Variants in BIRC6 observed in about 807,000 individuals in gnomAD.
BIRC6 encodes the protein baculoviral IAP repeat containing 6, also known as dual E2 ubiquitin-conjugating enzyme/E3 ubiquitin-protein ligase BIRC6.
Under a neutral mutation model 503.3 loss-of-function variants are expected in BIRC6, and 98 were observed. The observed-to-expected ratio is 0.19, with a 90% CI of 0.17 to 0.23. The LOEUF is 0.23. Ranked by LOEUF, BIRC6 falls within the 10% of genes least tolerant of loss-of-function variation. The pLI is 1.00. For missense variants in BIRC6, 5,360 were observed against 5,806.0 expected, an observed-to-expected ratio of 0.92 and a Z score of 2.50; for synonymous variants, 2,240 against 2,078.7, an observed-to-expected ratio of 1.08 and a Z score of -2.11.
rs1558789645 is a variant in BIRC6 at position 32,461,048 on chromosome 2, T to TCTCC, written c.4754-2146_4754-2145insCTCC. Among the ~76,000 whole-genome samples, 33 of 61,432 alleles carry TCTCC rather than the reference T, an allele frequency of 5.4e-4. 4 individuals carry two copies. Among genetic ancestry groups the TCTCC allele is most frequent in the Admixed American group, 6.3e-4 (4 of 6,348 alleles). The allele number at this position is 61,432 out of a possible 152,430, so 40.3% of individuals were successfully genotyped here. ...TTCTCTTCTCTTCTCTTCTCTTCTCTTCTCTTCTCTTCTCTTCTGTTCTCC... is the reference window on the plus strand; with the variant it reads ...TTCTCTTCTCTTCTCTTCTCTTCTCTCTCCTCTCTTCTCTTCTCTTCTGTTCTCC... On this transcript the variant is annotated intron_variant, in intron 23 of 73. Coordinates refer to ENST00000421745, the MANE Select transcript of BIRC6 (RefSeq NM_016252.4).
chr2:32,382,630 A>G (rs542746780), intron 3 of BIRC6, among the ~76,000 whole-genome samples: 2 of 152,256 alleles, frequency 1.3e-5, no homozygotes, highest in Non-Finnish European at 2.9e-5. Context: ...CAGTTTAATT[A>G]ACTGCACAGT....
chr2:32,383,417 T>A (rs2037981465), intron 3 of BIRC6, among the ~76,000 whole-genome samples: 1 of 152,230 alleles, frequency 6.6e-6, no homozygotes, highest in Non-Finnish European at 1.5e-5. Flanking sequence ...TTTTTTTGTA[T>A]TACCTGTTCC....
chr2:32,614,517 T>C (rs1236828795), intron 73 of BIRC6, among the ~76,000 whole-genome samples: 2 of 152,178 alleles, frequency 1.3e-5, no homozygotes, highest in Non-Finnish European at 2.9e-5. Context: ...CATTTGCTGT[T>C]GAGTGCTACA....
intron 6 of BIRC6, among the ~76,000 whole-genome samples, chr2:32,399,752 C>A (rs983082653): frequency 6.6e-6 from 1 of 151,444 alleles, no homozygotes; most frequent in African/African-American, 2.4e-5. Context: ...GATATGAGGT[C>A]CTAGTATTTT....
intron 65 of BIRC6, among the ~76,000 whole-genome samples, chr2:32,568,126 C>G (rs1399781610): frequency 6.7e-6 from 1 of 149,680 alleles, no homozygotes; most frequent in Non-Finnish European, 1.5e-5. Flanking sequence ...AACAAACAAA[C>G]AAGAATGGAG....
intron 65 of BIRC6, among the ~76,000 whole-genome samples, chr2:32,570,344 TGGC>T (rs1480422699): frequency 6.6e-6 from 1 of 152,168 alleles, no homozygotes. Flanking sequence ...CTTGTGAGAC[TGGC>T]TAATTTTTTT....
intron 9 of BIRC6, among the ~76,000 whole-genome samples, chr2:32,409,490 G>A (rs900573313): frequency 1.3e-5 from 2 of 152,174 alleles, no homozygotes; most frequent in Non-Finnish European, 2.9e-5. Context: ...AAAAATGTGA[G>A]TGCAGATAAA....
At chr2:32,429,608 G>A (rs867867667) in intron 11 of BIRC6, among the ~76,000 whole-genome samples, 4 of 152,070 alleles carry the variant, frequency 2.6e-5, no homozygotes, top group Middle Eastern at 3.4e-3. Context: ...TACTGTCACT[G>A]AGGATATATT....
At position 32,476,267 on chromosome 2, in the gene BIRC6, G is replaced by C; in HGVS notation, c.6775G>C (p.Glu2259Gln). ...QKALVEQMEK[E>Q]KIQSNKGSSY... is the part of the protein sequence containing the mutation. ...GGCATTGGTAGAACAGATGGAAAAA[G>C]AAAAAATACAAAGTAACAAAGGATC... The change falls in exon 34 of 74, where the codon GAA becomes CAA. Residue 2259 changes from glutamate (E) to glutamine (Q), a missense_variant. Transcript: ENST00000421745. The C allele has an allele frequency of 6.4e-7, 1 of 1,557,074 alleles. No homozygotes were observed. The highest frequency in any genetic ancestry group is 8.7e-7 in the Non-Finnish European group (1 of 1,149,420).
At chr2:32,588,941 G>A (rs1473795370) in intron 66 of BIRC6, among the ~76,000 whole-genome samples, 1 of 152,032 alleles carries the variant, frequency 6.6e-6, no homozygotes, top group African/African-American at 2.4e-5. Flanking sequence ...CATTCCAGCT[G>A]GTATTATCTT....
chr2:32,392,006 A>C lies in BIRC6; in HGVS notation c.840-33A>C, dbSNP rs78216644. The C allele has an allele frequency of 2.8e-3, 3,826 of 1,373,268 alleles. 101 individuals are homozygous for C. In the African/African-American group the frequency reaches 0.049, roughly 18 times the overall value. The allele number at this position is 1,373,268 out of a possible 1,614,324, so 85.1% of individuals were successfully genotyped here. ...GAAGTTTCACTGTGATTTGATGCCTAACTTCAATTACATAAAGTATGTTTA... is the reference window on the plus strand; with the variant it reads ...GAAGTTTCACTGTGATTTGATGCCTCACTTCAATTACATAAAGTATGTTTA... On this transcript the variant is annotated intron_variant, in intron 4 of 73. Coordinates refer to ENST00000421745, the MANE Select transcript of BIRC6 (RefSeq NM_016252.4).
At chr2:32,609,255 G>GT (rs1222380094) in intron 72 of BIRC6, among the ~76,000 whole-genome samples, 2 of 150,418 alleles carry the variant, frequency 1.3e-5, no homozygotes, top group Non-Finnish European at 3.0e-5. Context: ...CACTGAAGTG[G>GT]TTTTTTTCAC....
At position 32,543,359 on chromosome 2, in the gene BIRC6, C is replaced by G. The variant is rs777191070; in HGVS notation, c.12410C>G (p.Ala4137Gly). 25 of 1,613,828 alleles carry G rather than the reference C, an allele frequency of 1.5e-5. No individual in the cohort carries two copies. The highest frequency in any genetic ancestry group is 2.2e-5 in the East Asian group (1 of 44,890). The change falls in exon 62 of 74, where the codon GCG (alanine) becomes GGG (glycine). Residue 4137 changes from alanine (A) to glycine (G), a missense_variant. Ala to Gly is a moderately conservative substitution (Grantham distance 60). Transcript: ENST00000421745. ...ELVYEAPETV[A>G]AEPPPIKSAV... ...GTTTATGAAGCACCAGAAACTGTTG[C>G]GGCTGAACCTCCACCTATCAAGTCA... is the stretch of plus-strand genomic sequence containing the variant.
chr2:32,482,357 A>G (rs2050502381), intron 38 of BIRC6, 72 bp from the exon 39 acceptor site: 2 of 1,462,058 alleles, frequency 1.4e-6, no homozygotes. Context: ...GTTTGGGTTT[A>G]GATAATGTAA....
At chr2:32,589,655 C>G (rs1010821471) in intron 66 of BIRC6, among the ~76,000 whole-genome samples, 30 of 152,178 alleles carry the variant, frequency 2.0e-4, no homozygotes, top group African/African-American at 7.2e-4. Context: ...TAAACAAGTT[C>G]AGTTGTTTGT....
rs1397390801 is a variant in BIRC6 at position 32,599,826 on chromosome 2, C to G, written c.13918C>G (p.Pro4640Ala). 1 of 1,613,868 alleles carries G rather than the reference C, an allele frequency of 6.2e-7. No homozygotes were observed. Among genetic ancestry groups the G allele is most frequent in the Admixed American group, 1.7e-5 (1 of 60,018 alleles). ...VYFPQDYPSS[P>A]PLVNLETTGG... Reference sequence around the variant, plus strand: ...TTTTCCTCAAGATTATCCCAGTTCACCCCCTCTTGTGAATCTAGAGACAAC... The same window carrying G: ...TTTTCCTCAAGATTATCCCAGTTCAGCCCCTCTTGTGAATCTAGAGACAAC... Residue 4640 changes from proline (P) to alanine (A), a missense_variant, in exon 70 of 74, where the codon CCC becomes GCC. Pro to Ala is a conservative substitution (Grantham distance 27). Transcript: ENST00000421745.
chr2:32,586,158 G>T (rs1026123210), intron 66 of BIRC6, among the ~76,000 whole-genome samples: 2 of 151,518 alleles, frequency 1.3e-5, no homozygotes, highest in East Asian at 1.9e-4. Context: ...TAGGATTCAC[G>T]CTTGTATAAT....
In BIRC6 at chr2:32,545,942, A is replaced by T. The variant is rs913022406; in HGVS notation, c.12810+82A>T. ...ACAGAATAAAGTTTTTTTCTGAATT[A>T]ATCTTTCAGAGACTTGGGTGTTCCA... is the stretch of plus-strand genomic sequence containing the variant. On this transcript the variant is annotated intron_variant, in intron 63 of 73. Coordinates refer to ENST00000421745, the MANE Select transcript of BIRC6 (RefSeq NM_016252.4). 3.2e-6 allele frequency: 4 copies of T among 1,258,464 alleles called. No homozygotes were observed. In the African/African-American group the frequency reaches 6.0e-5, roughly 19 times the overall value. 78.0% of individuals were successfully genotyped at this position (1,258,464 alleles called of 1,614,324 possible). A position where few individuals can be genotyped will look rare whatever the true frequency, so the allele number is the denominator to read the frequency against.
intron 57 of BIRC6, among the ~76,000 whole-genome samples, chr2:32,520,163 C>T (rs1035486214): frequency 6.6e-6 from 1 of 152,130 alleles, no homozygotes; most frequent in African/African-American, 2.4e-5. Flanking sequence ...GTTAAAAATA[C>T]AAATCTAAAG....
Sources: allele counts gnomAD v4.1 joint callset (sites outside exome capture counted in the v4.1 genomes callset), GRCh38; gene constraint gnomAD v4.1.1; transcripts MANE v1.5; gene names NCBI Gene and HGNC (gene_info 2026-07-23, HGNC 2026-07-21).